Variants in ZKSCAN5 observed in about 807,000 individuals in gnomAD.
The protein encoded by ZKSCAN5 is zinc finger with KRAB and SCAN domains 5, also known as zinc finger protein with KRAB and SCAN domains 5.
A neutral mutation model predicts 60.0 loss-of-function variants in ZKSCAN5; 28 were observed. That is an observed-to-expected ratio of 0.47 (90% CI 0.35 to 0.64). The LOEUF is 0.64. Among genes scored for constraint, ZKSCAN5 ranks in the 30% least tolerant of loss-of-function variants. The pLI is 0.01. For synonymous variants in ZKSCAN5, 361 were observed against 371.2 expected, an observed-to-expected ratio of 0.97 and a Z score of 0.31; for missense variants, 881 against 1,034.6, an observed-to-expected ratio of 0.85 and a Z score of 2.04.
chr7:99,505,726 A>G, intron 1 of ZKSCAN5: 1 of 241,128 alleles, frequency 4.1e-6, no homozygotes, highest in South Asian at 5.6e-5. Flanking sequence ...TCACTCTAAA[A>G]CTGTGTTTTA....
intron 5 of ZKSCAN5, among the ~76,000 whole-genome samples, chr7:99,523,310 A>G (rs1311649744): frequency 1.3e-5 from 2 of 151,826 alleles, no homozygotes; most frequent in African/African-American, 4.8e-5. Context: ...CCACTGAGAG[A>G]CAAGGGGAGG....
intron 3 of ZKSCAN5, among the ~76,000 whole-genome samples, chr7:99,516,207 C>T (rs980729329): frequency 3.3e-5 from 5 of 152,200 alleles, no homozygotes; most frequent in African/African-American, 7.2e-5. Flanking sequence ...CCTCGAGTCA[C>T]TTGGGTTCTG....
chr7:99,516,951 CTT>C (rs1196669691), intron 3 of ZKSCAN5, among the ~76,000 whole-genome samples: 1 of 152,184 alleles, frequency 6.6e-6, no homozygotes, highest in African/African-American at 2.4e-5. Flanking sequence ...GGTGTCCAAT[CTT>C]TTGGCTTTCC....
intron 5 of ZKSCAN5, among the ~76,000 whole-genome samples, chr7:99,524,004 A>G (rs1801660130): frequency 6.6e-6 from 1 of 151,950 alleles, no homozygotes; most frequent in South Asian, 2.1e-4. Flanking sequence ...TATTACTAAT[A>G]TAATACAGAA....
intron 6 of ZKSCAN5, among the ~76,000 whole-genome samples, chr7:99,526,715 C>T (rs561639506): frequency 1.6e-4 from 24 of 152,140 alleles, no homozygotes; most frequent in South Asian, 4.2e-4. Context: ...CCAGCATGCC[C>T]GGGTAATTTT....
rs990177807 is a variant in ZKSCAN5 at position 99,534,560 on chromosome 7, C to A, written c.*2311C>A. On this transcript the variant is annotated 3_prime_UTR_variant, in exon 7 of 7. Coordinates refer to ENST00000326775, the MANE Select transcript of ZKSCAN5 (RefSeq NM_145102.4). ...GGGCATAGTGGCGCATGCCTATAGTCCCAGCTACTCCAGAGGCTGAGGCAG... is the reference window on the plus strand; with the variant it reads ...GGGCATAGTGGCGCATGCCTATAGTACCAGCTACTCCAGAGGCTGAGGCAG... 2.0e-5 allele frequency: 3 copies of A among 152,182 alleles called. No homozygotes were observed. Among genetic ancestry groups the A allele is most frequent in the Non-Finnish European group, 2.9e-5 (2 of 68,416 alleles). The allele number at this position is 152,182 out of a possible 1,614,324, so 9.4% of individuals were successfully genotyped here.
At chr7:99,505,108 G>C (rs1056369310) in intron 1 of ZKSCAN5, 6 of 152,062 alleles carry the variant, frequency 3.9e-5, no homozygotes, top group Non-Finnish European at 8.8e-5. Flanking sequence ...GGTGGGCTGG[G>C]ACTCGGGGCC....
Position 99,532,255 on chromosome 7 carries a change from C to G in ZKSCAN5, c.*6C>G, listed in dbSNP as rs1276688938. On this transcript the variant is annotated 3_prime_UTR_variant, in exon 7 of 7. Coordinates refer to ENST00000326775, the MANE Select transcript of ZKSCAN5 (RefSeq NM_145102.4). ...TAGAGGGGTCTCTGTTGTAGAATAG[C>G]TCTTAATTTTAGAGAAACCTTCCTG... is the stretch of plus-strand genomic sequence containing the variant. 19 of 1,543,486 alleles carry G rather than the reference C, an allele frequency of 1.2e-5. No homozygotes were observed. In the Admixed American group the frequency reaches 3.7e-4, roughly 30 times the overall value.
In ZKSCAN5 at chr7:99,531,359, A is replaced by C. The variant is rs745669815; in HGVS notation, c.1630A>C (p.Thr544Pro). Residue 544 changes from threonine to proline, a missense_variant, in exon 7 of 7, where the codon ACT becomes CCT. Thr to Pro is a conservative substitution (Grantham distance 38). Around this residue, in one of 5 missense-constraint regions of ZKSCAN5, gnomAD observed 490 missense variants for 554.5 expected, o/e 0.88. Transcript: ENST00000326775. Reference protein sequence around the residue: ...EVPYVHKKSSTGERPHKCNEC... With the variant: ...EVPYVHKKSSPGERPHKCNEC... ...CCCATATGTCCACAAAAAATCCTCC[A>C]CTGGAGAGAGACCACATAAATGTAA... The C allele has an allele frequency of 6.2e-7, 1 of 1,614,200 alleles. No individual in the cohort carries two copies. Among genetic ancestry groups the C allele is most frequent in the South Asian group, 1.1e-5 (1 of 91,092 alleles).
intron 2 of ZKSCAN5, among the ~76,000 whole-genome samples, chr7:99,507,304 G>A (rs1800780890): frequency 6.6e-6 from 1 of 151,872 alleles, no homozygotes; most frequent in African/African-American, 2.4e-5. Context: ...TTTTATGGAA[G>A]GAGTTTGAGT....
At chr7:99,526,462 A>G (rs1217206565) in intron 6 of ZKSCAN5, 44 bp downstream of exon 6, 1 of 1,563,968 alleles carries the variant, frequency 6.4e-7, no homozygotes, top group East Asian at 2.2e-5. Flanking sequence ...TGGAGGCGAA[A>G]AGCAAAAGGT....
At chr7:99,516,752 C>T (rs1050347073) in intron 3 of ZKSCAN5, among the ~76,000 whole-genome samples, 1 of 152,124 alleles carries the variant, frequency 6.6e-6, no homozygotes, top group South Asian at 2.1e-4. Context: ...CCTGTCTCCC[C>T]GATCTCCATT....
At chr7:99,515,661 C>T (rs1249199121) in intron 3 of ZKSCAN5, among the ~76,000 whole-genome samples, 1 of 151,954 alleles carries the variant, frequency 6.6e-6, no homozygotes, top group Non-Finnish European at 1.5e-5. Flanking sequence ...TGGTGAAACC[C>T]CATCTCTACT....
At chr7:99,519,546 G>A (rs567164835) in intron 3 of ZKSCAN5, among the ~76,000 whole-genome samples, 2 of 152,238 alleles carry the variant, frequency 1.3e-5, no homozygotes, top group East Asian at 3.9e-4. Flanking sequence ...CAAAGTGCTG[G>A]TATTACAGGC....
intron 6 of ZKSCAN5, among the ~76,000 whole-genome samples, chr7:99,529,762 G>A (rs750084350): frequency 6.6e-6 from 1 of 152,054 alleles, no homozygotes; most frequent in African/African-American, 2.4e-5. Flanking sequence ...TTGAGATGGA[G>A]TCTCGCTGTG....
chr7:99,529,423 G>A (rs533471152), intron 6 of ZKSCAN5, among the ~76,000 whole-genome samples: 7 of 152,118 alleles, frequency 4.6e-5, no homozygotes, highest in African/African-American at 1.2e-4. Context: ...TTATAGGCAC[G>A]AGTCACCACA....
intron 2 of ZKSCAN5, among the ~76,000 whole-genome samples, chr7:99,508,745 A>G (rs140591110): frequency 0.015 from 2,219 of 148,176 alleles, 50 homozygotes; most frequent in African/African-American, 0.05. Flanking sequence ...CGAGACTCCC[A>G]TCTCAAAAAA....
Position 99,512,531 on chromosome 7 carries a change from C to G in ZKSCAN5, c.493C>G (p.Leu165Val), listed in dbSNP as rs887372180. The G allele has an allele frequency of 1.9e-6, 3 of 1,614,040 alleles. No individual in the cohort carries two copies. Among genetic ancestry groups the G allele is most frequent in the Admixed American group, 1.7e-5 (1 of 59,994 alleles). ...GCAGGAGTCCTGCAGCCCCCATCCC[C>G]TGACCGTGGACACCCAGCCTGAGCA... Reference protein sequence around the residue: ...AVQESCSPHPLTVDTQPEQAP... With the variant: ...AVQESCSPHPVTVDTQPEQAP... The change falls in exon 3 of 7, where the codon CTG (leucine) becomes GTG (valine). Residue 165 changes from leucine (L) to valine (V), a missense_variant. Physicochemically the swap from Leu to Val is conservative, Grantham distance 32. Transcript: ENST00000326775.
intron 5 of ZKSCAN5, among the ~76,000 whole-genome samples, chr7:99,523,930 C>T (rs534842049): frequency 6.6e-6 from 1 of 152,184 alleles, no homozygotes; most frequent in East Asian, 1.9e-4. Context: ...ATTAAATATA[C>T]CATAAAATTG....
Sources: gnomAD v4.1 joint callset for allele counts (sites outside exome capture counted in the v4.1 genomes callset) on GRCh38, gnomAD v4.1.1 for gene constraint, gnomAD v4.1.1 regional missense constraint, MANE v1.5 for transcripts, NCBI Gene and HGNC (gene_info 2026-07-23, HGNC 2026-07-21) for gene names.